Variants in ZNF536 observed in about 807,000 individuals in gnomAD.
ZNF536 encodes zinc finger protein 536.
ZNF536 carries 13 observed loss-of-function variants against 84.5 expected under a neutral mutation model. The observed-to-expected ratio is 0.15, with a 90% CI of 0.10 to 0.24. The LOEUF (loss-of-function observed/expected upper bound fraction) is 0.24. ZNF536 is among the 10% of genes least tolerant of loss of function. ZNF536 has a pLI of 1.00. For synonymous variants in ZNF536, 811 were observed against 742.5 expected, an observed-to-expected ratio of 1.09 and a Z score of -1.50; for missense variants, 1,536 against 1,747.5, an observed-to-expected ratio of 0.88 and a Z score of 2.16.
rs187851614 is a variant in ZNF536 at position 30,504,136 on chromosome 19, G to A, written c.2171-30711G>A. 1.6e-3 allele frequency among the ~76,000 whole-genome samples: 248 copies of A among 152,176 alleles called. 3 individuals are homozygous for A. The highest frequency in any genetic ancestry group is 5.7e-3 in the African/African-American group (236 of 41,516). ...CTTATTTAGTGAGTGTTTACTAAGT[G>A]TGGAGAACTACAAAACTTTGTACAC... On this transcript the variant is annotated intron_variant, in intron 2 of 4. Coordinates refer to ENST00000355537, the MANE Select transcript of ZNF536 (RefSeq NM_014717.3).
rs535250165 is a variant in ZNF536, at chr19:30,298,095, G to C, written c.-120+13954G>C. Among the ~76,000 whole-genome samples, 8 of 152,206 alleles carry C rather than the reference G, an allele frequency of 5.3e-5. No homozygotes were observed. In the South Asian group the frequency reaches 1.7e-3, roughly 32 times the overall value. ...GGGTTTCATCATATTGGTCAGGCTG[G>C]TCTCGAACTCCTGGCCTTGTGATCA... On this transcript the variant is annotated intron_variant, in intron 2 of 5. Coordinates refer to the ZNF536 transcript ENST00000585628.
At chr19:30,403,994 AT>A (rs2050157968) in intron 1 of ZNF536, among the ~76,000 whole-genome samples, 2 of 117,786 alleles carry the variant, frequency 1.7e-5, no homozygotes, top group South Asian at 2.8e-4. Flanking sequence ...TCCCCTCTAC[AT>A]TTTTTTCTTT....
At chr19:30,344,440 CAAA>C (rs10628847) in intron 2 of ZNF536, among the ~76,000 whole-genome samples, 1,385 of 69,180 alleles carry the variant, frequency 0.02, 28 homozygotes, top group African/African-American at 0.075. Context: ...AACTCCATCT[CAAA>C]AAAAAAAAAA....
intron 1 of ZNF536, among the ~76,000 whole-genome samples, chr19:30,621,730 G>A (rs2048489615): frequency 6.6e-6 from 1 of 152,258 alleles, no homozygotes; most frequent in Non-Finnish European, 1.5e-5. Context: ...AGGCTGGGTG[G>A]ATGCCGTGGG....
At chr19:30,614,942 A>ATGTTTTTT (rs2048230544) in intron 1 of ZNF536, among the ~76,000 whole-genome samples, 1 of 32,316 alleles carries the variant, frequency 3.1e-5, no homozygotes, top group Non-Finnish European at 5.8e-5. Flanking sequence ...CCCCTTTTCA[A>ATGTTTTTT]TTTTTTTTTT....
At chr19:30,473,552 C>T (rs1195768367) in intron 2 of ZNF536, among the ~76,000 whole-genome samples, 1 of 152,200 alleles carries the variant, frequency 6.6e-6, no homozygotes, top group Admixed American at 6.5e-5. Flanking sequence ...TTCACATAAC[C>T]TGTTGCATGT....
At chr19:30,439,783 G>T (rs62101958) in intron 1 of ZNF536, among the ~76,000 whole-genome samples, 1 of 151,986 alleles carries the variant, frequency 6.6e-6, no homozygotes, top group East Asian at 1.9e-4. Context: ...GGGCAGTGAC[G>T]GTCAGTTAAG....
chr19:30,265,981 C>T (rs2025491749), intron 1 of ZNF536, among the ~76,000 whole-genome samples: 2 of 152,122 alleles, frequency 1.3e-5, no homozygotes. Flanking sequence ...GCCACAACCT[C>T]CTGGGCTCAT....
intron 3 of ZNF536, among the ~76,000 whole-genome samples, chr19:30,358,771 G>C (rs1388806455): frequency 6.6e-6 from 1 of 152,130 alleles, no homozygotes; most frequent in Non-Finnish European, 1.5e-5. Flanking sequence ...TGCCCTTCAG[G>C]GATTCCAGCA....
chr19:30,537,195 C>T (rs953561578), intron 3 of ZNF536, among the ~76,000 whole-genome samples: 9 of 152,222 alleles, frequency 5.9e-5, no homozygotes, highest in Admixed American at 1.3e-4. Context: ...GGCATTCCTG[C>T]GTCAATTCGT....
intron 1 of ZNF536, among the ~76,000 whole-genome samples, chr19:30,607,221 T>C (rs1282889768): frequency 6.6e-6 from 1 of 152,230 alleles, no homozygotes; most frequent in Non-Finnish European, 1.5e-5. Flanking sequence ...TGGCTGAGTG[T>C]GGCTGTAACT....
At chr19:30,253,176 C>A (rs923641446) in intron 1 of ZNF536, among the ~76,000 whole-genome samples, 1 of 152,130 alleles carries the variant, frequency 6.6e-6, no homozygotes, top group Non-Finnish European at 1.5e-5. Flanking sequence ...GGAGAGGGAT[C>A]CTAGCTGGTG....
At chr19:30,340,228 C>T (rs571147088) in intron 2 of ZNF536, among the ~76,000 whole-genome samples, 8 of 152,284 alleles carry the variant, frequency 5.3e-5, no homozygotes, top group African/African-American at 1.2e-4. Context: ...GGGGGAACAC[C>T]GGCCAGGTAG....
intron 1 of ZNF536, among the ~76,000 whole-genome samples, chr19:30,664,207 T>TCTCC (rs2050227279): frequency 4.2e-4 from 2 of 4,748 alleles, no homozygotes; most frequent in Non-Finnish European, 4.0e-4. Flanking sequence ...CTGAGTTTTC[T>TCTCC]CTCTCTCTCT....
At chr19:30,334,876 G>C (rs1167827243) in intron 2 of ZNF536, among the ~76,000 whole-genome samples, 1 of 152,216 alleles carries the variant, frequency 6.6e-6, no homozygotes, top group Non-Finnish European at 1.5e-5. Context: ...ACACAACCTA[G>C]ATCCCTTGCA....
intron 1 of ZNF536, among the ~76,000 whole-genome samples, chr19:30,627,965 A>G (rs79659290): frequency 0.014 from 2,079 of 152,218 alleles, 48 homozygotes; most frequent in African/African-American, 0.048. Flanking sequence ...AGTGTCCATC[A>G]CGCCTCAACC....
intron 2 of ZNF536, among the ~76,000 whole-genome samples, chr19:30,308,350 C>A (rs1250729545): frequency 6.6e-6 from 1 of 151,920 alleles, no homozygotes; most frequent in Non-Finnish European, 1.5e-5. Context: ...ATCTTGTGAA[C>A]ATTTTTTTTT....
chr19:30,495,826 A>G (rs2054696725), intron 2 of ZNF536, among the ~76,000 whole-genome samples: 1 of 152,246 alleles, frequency 6.6e-6, no homozygotes. Context: ...GACACAACGC[A>G]GGGAAAGTCA....
intron 1 of ZNF536, among the ~76,000 whole-genome samples, chr19:30,376,523 G>A (rs1008448206): frequency 6.6e-6 from 1 of 152,178 alleles, no homozygotes; most frequent in African/African-American, 2.4e-5. Context: ...GCACCCACTG[G>A]ATACTCCGTG....
Sources: allele counts gnomAD v4.1 joint callset (sites outside exome capture counted in the v4.1 genomes callset), GRCh38; gene constraint gnomAD v4.1.1; transcripts MANE v1.5; gene names NCBI Gene and HGNC (gene_info 2026-07-23, HGNC 2026-07-21).